The following XXYLT1 variants were observed in gnomAD, a reference collection of about 807,000 sequenced individuals.
XXYLT1 encodes UDP-xylose:alpha-xyloside alpha-1,3-xylosyltransferase.
Under a neutral mutation model 28.9 loss-of-function variants are expected in XXYLT1, and 20 were observed. The ratio of observed to expected loss-of-function variants is 0.69; its 90% CI spans 0.49 to 1.00. XXYLT1 has a LOEUF of 1.00. Among genes scored for constraint, XXYLT1 ranks in the 50% least tolerant of loss-of-function variants. XXYLT1 has a pLI of 0.00. For synonymous variants in XXYLT1, 257 were observed against 253.8 expected, an observed-to-expected ratio of 1.01 and a Z score of -0.12; for missense variants, 542 against 560.1, an observed-to-expected ratio of 0.97 and a Z score of 0.33.
chr3:195,191,475 G>A (rs1481943901), intron 2 of XXYLT1, among the ~76,000 whole-genome samples: 1 of 152,164 alleles, frequency 6.6e-6, no homozygotes, highest in Non-Finnish European at 1.5e-5. Context: ...TACAGAATAT[G>A]TGTTAATTGA....
intron 1 of XXYLT1, among the ~76,000 whole-genome samples, chr3:195,263,556 G>C (rs1313093432): frequency 6.6e-6 from 1 of 152,152 alleles, no homozygotes; most frequent in Non-Finnish European, 1.5e-5. Flanking sequence ...TGCCCCTTCT[G>C]CATGCCTCTG....
chr3:195,156,729 G>A, intron 2 of XXYLT1, 148 bp from the exon 3 acceptor site: 1 of 1,073,852 alleles, frequency 9.3e-7, no homozygotes, highest in African/African-American at 1.6e-5. Context: ...TGGAACAAAA[G>A]GCCTTTCATC....
At chr3:195,215,231 A>C (rs2108785656) in intron 2 of XXYLT1, among the ~76,000 whole-genome samples, 1 of 149,872 alleles carries the variant, frequency 6.7e-6, no homozygotes, top group South Asian at 2.2e-4. Flanking sequence ...CAAAATGTAA[A>C]GACCATCGAG....
At chr3:195,114,205 G>A (rs1717925503) in intron 3 of XXYLT1, among the ~76,000 whole-genome samples, 2 of 152,180 alleles carry the variant, frequency 1.3e-5, no homozygotes, top group Non-Finnish European at 2.9e-5. Flanking sequence ...CAGTCCACAC[G>A]CTTCCAGGGA....
intron 1 of XXYLT1, among the ~76,000 whole-genome samples, chr3:195,252,737 G>C (rs1232868721): frequency 1.3e-4 from 19 of 146,936 alleles, no homozygotes; most frequent in South Asian, 1.1e-3. Flanking sequence ...CAGAGAGAGA[G>C]AGAGAGAGAG....
At chr3:195,084,316 C>G (rs1715604971) in intron 3 of XXYLT1, among the ~76,000 whole-genome samples, 1 of 152,062 alleles carries the variant, frequency 6.6e-6, no homozygotes, top group Non-Finnish European at 1.5e-5. Context: ...CTAGGCTGCT[C>G]CCTGCCCCAG....
chr3:195,084,107 C>T (rs1349297757), intron 3 of XXYLT1, among the ~76,000 whole-genome samples: 4 of 152,196 alleles, frequency 2.6e-5, no homozygotes, highest in Admixed American at 2.0e-4. Flanking sequence ...ATCTCCTGTG[C>T]TTTCACCAAG....
intron 3 of XXYLT1, 65 bp downstream of exon 3, chr3:195,156,384 C>T (rs1720590151): frequency 1.9e-6 from 3 of 1,580,486 alleles, no homozygotes; most frequent in Admixed American, 1.8e-5. Context: ...TCACGGCTGG[C>T]AGAAGAGAGA....
intron 3 of XXYLT1, among the ~76,000 whole-genome samples, chr3:195,090,339 A>G (rs1298697315): frequency 2.0e-5 from 3 of 151,574 alleles, no homozygotes; most frequent in African/African-American, 7.3e-5. Context: ...CTCAGACCAC[A>G]GTGCAATCAA....
chr3:195,085,582 C>T (rs187482766), intron 3 of XXYLT1, among the ~76,000 whole-genome samples: 1 of 152,366 alleles, frequency 6.6e-6, no homozygotes, highest in Non-Finnish European at 1.5e-5. Context: ...AGCTCCTGTG[C>T]TCCCTCACAG....
At chr3:195,147,299 G>T (rs935610044) in intron 3 of XXYLT1, among the ~76,000 whole-genome samples, 12 of 152,168 alleles carry the variant, frequency 7.9e-5, no homozygotes, top group African/African-American at 2.9e-4. Context: ...GCTGGGCATG[G>T]TGACTCACAC....
chr3:195,103,385 C>CCACGCCAGCGGCCTGCGTCCATCACCT (rs1716907223), intron 3 of XXYLT1, among the ~76,000 whole-genome samples: 3 of 145,730 alleles, frequency 2.1e-5, no homozygotes, highest in Admixed American at 1.4e-4. Flanking sequence ...GTCCATCACC[C>CCACGCCAGCGGCCTGCGTCCATCACCT]CACGCCAGCG....
chr3:195,163,294 C>A (rs1444760406), intron 2 of XXYLT1, among the ~76,000 whole-genome samples: 1 of 152,214 alleles, frequency 6.6e-6, no homozygotes, highest in East Asian at 1.9e-4. Context: ...TCTAATCTCA[C>A]CTTCCAACCA....
intron 1 of XXYLT1, among the ~76,000 whole-genome samples, chr3:195,246,680 C>T (rs540578878): frequency 1.2e-4 from 18 of 152,256 alleles, no homozygotes; most frequent in Middle Eastern, 3.4e-3. Context: ...AAAGGAGAGG[C>T]GGGGGTGAGC....
At chr3:195,228,089 A>G (rs1724132812) in intron 1 of XXYLT1, among the ~76,000 whole-genome samples, 2 of 152,206 alleles carry the variant, frequency 1.3e-5, no homozygotes, top group Non-Finnish European at 2.9e-5. Context: ...CAGTGCTCCT[A>G]AGAGTTCTGC....
At chr3:195,070,145 G>GC in intron 3 of XXYLT1, 34 bp from the exon 4 acceptor site, 1 of 1,508,890 alleles carries the variant, frequency 6.6e-7, no homozygotes, top group Non-Finnish European at 8.8e-7. Context: ...AGTCCGGTGT[G>GC]CAGGGGAACC....
intron 1 of XXYLT1, among the ~76,000 whole-genome samples, chr3:195,258,675 G>A (rs542510523): frequency 1.3e-5 from 2 of 152,310 alleles, no homozygotes; most frequent in East Asian, 1.9e-4. Context: ...CCTGGGGAAG[G>A]GACGTGATGA....
At position 195,180,227 on chromosome 3, in the gene XXYLT1, C is replaced by T. The variant is rs1033499339; in HGVS notation, c.653-23646G>A. On this transcript the variant is annotated intron_variant, in intron 2 of 3. Transcript: ENST00000310380. The surrounding 1 kb of genome is among the most constrained non-coding windows in gnomAD (Gnocchi z 5.8). ...ACAGTCATTTCTAACGCCAGATCCCCGTCTCTGCACTGACACCGGGGGTGG... is the reference window on the plus strand; with the variant it reads ...ACAGTCATTTCTAACGCCAGATCCCTGTCTCTGCACTGACACCGGGGGTGG... 1.4e-5 allele frequency: 11 copies of T among 788,990 alleles called. No individual in the cohort carries two copies. Among genetic ancestry groups the T allele is most frequent in the Middle Eastern group, 1.3e-3 (2 of 1,570 alleles). 48.9% of individuals were successfully genotyped at this position (788,990 alleles called of 1,614,324 possible).
intron 2 of XXYLT1, among the ~76,000 whole-genome samples, chr3:195,208,734 C>G (rs1723180748): frequency 6.6e-6 from 1 of 152,082 alleles, no homozygotes; most frequent in South Asian, 2.1e-4. Flanking sequence ...CCTAATAAAC[C>G]CTCTGTCACT....
Sources: allele counts gnomAD v4.1 joint callset (sites outside exome capture counted in the v4.1 genomes callset), GRCh38; gene constraint gnomAD v4.1.1; non-coding constraint Gnocchi (gnomAD v3.1); transcripts MANE v1.5; gene names NCBI Gene and HGNC (gene_info 2026-07-23, HGNC 2026-07-21).